OXSR1: variants seen among roughly 807,000 people sequenced by gnomAD.
OXSR1 encodes oxidative stress responsive kinase 1.
In OXSR1, 24 loss-of-function variants were observed where a neutral mutation model predicts 79.8. The observed-to-expected ratio is 0.30, with a 90% CI of 0.22 to 0.42. The LOEUF (loss-of-function observed/expected upper bound fraction) is 0.42, where lower values mean the gene tolerates loss of function less well. OXSR1 is among the 10% of genes least tolerant of loss of function. OXSR1 has a pLI of 1.00. For missense variants in OXSR1, 430 were observed against 618.4 expected (o/e 0.70, Z 3.23); for synonymous variants, 226 against 209.2 (o/e 1.08, Z -0.69).
intron 16 of OXSR1, 37 bp downstream of exon 16, chr3:38,251,508 CTCTG>C: frequency 6.6e-7 from 1 of 1,506,302 alleles, no homozygotes; most frequent in Non-Finnish European, 9.2e-7. Context: ...GCTCCTGTGT[CTCTG>C]TCTGTATACT....
At chr3:38,167,390 A>C (rs1423199739) in intron 1 of OXSR1, among the ~76,000 whole-genome samples, 1 of 152,252 alleles carries the variant, frequency 6.6e-6, no homozygotes, top group African/African-American at 2.4e-5. Flanking sequence ...GGCTCAATCC[A>C]ACGGACATGA....
At chr3:38,175,546 C>T (rs904882227) in intron 1 of OXSR1, among the ~76,000 whole-genome samples, 3 of 152,210 alleles carry the variant, frequency 2.0e-5, no homozygotes, top group African/African-American at 7.2e-5. Context: ...AGTGATCTGC[C>T]TGCCTTGGCC....
intron 1 of OXSR1, among the ~76,000 whole-genome samples, chr3:38,178,845 T>C (rs1701727190): frequency 6.6e-6 from 1 of 151,590 alleles, no homozygotes; most frequent in African/African-American, 2.4e-5. Context: ...TGAAAGGATT[T>C]TTAAATAACA....
chr3:38,187,065 C>G (rs1003322806), intron 2 of OXSR1, among the ~76,000 whole-genome samples: 1 of 152,232 alleles, frequency 6.6e-6, no homozygotes, highest in East Asian at 1.9e-4. Context: ...ACATCAGTGG[C>G]AAAGAGACTA....
At chr3:38,164,475 G>C (rs1477748240), upstream of OXSR1, among the ~76,000 whole-genome samples, 1 of 152,168 alleles carries the variant, frequency 6.6e-6, no homozygotes, top group African/African-American at 2.4e-5. Flanking sequence ...ACTGCCGTTG[G>C]ACTGAAAGGT....
In OXSR1 at chr3:38,253,359, T is replaced by C. The variant is rs1703299146; in HGVS notation, c.*468T>C. ...TCAGCTGGAGCCCAGAGAATTTAAT[T>C]TAATGTTTTTTCTTTGTACCTGATG... On this transcript the variant is annotated 3_prime_UTR_variant, in exon 18 of 18. Coordinates refer to ENST00000311806, the MANE Select transcript of OXSR1 (RefSeq NM_005109.3). 6.4e-6 allele frequency: 1 copy of C among 155,996 alleles called. No individual in the cohort carries two copies. The highest frequency in any genetic ancestry group is 2.4e-5 in the African/African-American group (1 of 41,530). The allele number at this position is 155,996 out of a possible 1,614,324, so 9.7% of individuals were successfully genotyped here.
rs35279632 is a variant in OXSR1, at chr3:38,198,789, A to G, written c.360A>G (p.Glu120=). The change falls in exon 4 of 18, where the codon GAA becomes GAG. Residue 120 remains glutamate, a synonymous_variant. Transcript: ENST00000311806. ...KGEHKSGVLD[E]STIATILREV... Reference sequence around the variant, plus strand: ...AACACAAAAGTGGAGTCCTAGATGAATCTACCATTGCTACGATACTCCGAG... The same window carrying G: ...AACACAAAAGTGGAGTCCTAGATGAGTCTACCATTGCTACGATACTCCGAG... The G allele has an allele frequency of 4.9e-3, 7,905 of 1,613,082 alleles. 34 individuals are homozygous for G. Among genetic ancestry groups the G allele is most frequent in the Middle Eastern group, 0.015 (90 of 6,056 alleles).
At chr3:38,203,022 C>T (rs1002293635) in intron 4 of OXSR1, among the ~76,000 whole-genome samples, 1 of 152,190 alleles carries the variant, frequency 6.6e-6, no homozygotes, top group Non-Finnish European at 1.5e-5. Context: ...AGGCCTAAAC[C>T]CCTCCCCGTG....
rs112035003 is a variant in OXSR1, at chr3:38,244,637, C to CTGTGTGTGTGTGTGTGTG, written c.1111-1425_1111-1408dup. 4.2e-3 allele frequency among the ~76,000 whole-genome samples: 421 copies of CTGTGTGTGTGTGTGTGTG among 99,476 alleles called. 8 individuals carry two copies. The highest frequency in any genetic ancestry group is 9.2e-3 in the African/African-American group (289 of 31,560). 65.3% of individuals were successfully genotyped at this position (99,476 alleles called of 152,430 possible). The stretch of plus-strand genomic sequence containing the variant: ...CTTTTTAAGGGTCAGTAATATTCCT[C>CTGTGTGTGTGTGTGTGTG]TGTGTGTGTGTGTGTGTGTGTGTGT... On this transcript the variant is annotated intron_variant, in intron 12 of 17. Coordinates refer to ENST00000311806, the MANE Select transcript of OXSR1 (RefSeq NM_005109.3).
intron 1 of OXSR1, among the ~76,000 whole-genome samples, chr3:38,181,760 G>A (rs951759694): frequency 6.6e-6 from 1 of 151,626 alleles, no homozygotes; most frequent in Admixed American, 6.6e-5. Context: ...GCATCAGTAC[G>A]ATCGTGTGGT....
In OXSR1 at chr3:38,241,070, C is replaced by T. The variant is rs78411831; in HGVS notation, c.1075-1673C>T. ...TTTTCAAGGTCTTAAAGTGTGCCCC[C>T]ACATATTACCTATTCACCACAAGGG... is the stretch of plus-strand genomic sequence containing the variant. On this transcript the variant is annotated intron_variant, in intron 11 of 17. Coordinates refer to ENST00000311806, the MANE Select transcript of OXSR1 (RefSeq NM_005109.3). Among the ~76,000 whole-genome samples the T allele has an allele frequency of 8.2e-3, 1,247 of 152,120 alleles. 8 individuals carry two copies. Among genetic ancestry groups the T allele is most frequent in the Non-Finnish European group, 0.013 (899 of 67,984 alleles).
chr3:38,197,669 A>T (rs1702092717), intron 3 of OXSR1, among the ~76,000 whole-genome samples: 1 of 152,124 alleles, frequency 6.6e-6, no homozygotes, highest in Admixed American at 6.6e-5. Context: ...AAGTTAGTGG[A>T]TTTTAAGTAG....
chr3:38,226,089 A>G (rs914119346), intron 8 of OXSR1, among the ~76,000 whole-genome samples: 1 of 152,102 alleles, frequency 6.6e-6, no homozygotes, highest in African/African-American at 2.4e-5. Flanking sequence ...AAAAAGCTTT[A>G]CCAAATCAGT....
intron 3 of OXSR1, among the ~76,000 whole-genome samples, chr3:38,196,450 C>T (rs985926219): frequency 3.9e-5 from 6 of 152,096 alleles, no homozygotes; most frequent in Non-Finnish European, 7.4e-5. Context: ...GTCTTAGTGA[C>T]GATTAGTGTC....
intron 1 of OXSR1, among the ~76,000 whole-genome samples, chr3:38,181,963 C>T (rs1044746638): frequency 6.6e-6 from 1 of 151,944 alleles, no homozygotes; most frequent in African/African-American, 2.4e-5. Context: ...TTAGATGATC[C>T]TCTTGCCTCA....
In OXSR1 at chr3:38,237,843, G is replaced by T. The variant is rs141955349; in HGVS notation, c.1074+882G>T. 2.0e-5 allele frequency among the ~76,000 whole-genome samples: 3 copies of T among 152,250 alleles called. No individual in the cohort carries two copies. In the East Asian group the frequency reaches 5.8e-4, roughly 29 times the overall value. On this transcript the variant is annotated intron_variant, in intron 11 of 17. Coordinates refer to ENST00000311806, the MANE Select transcript of OXSR1 (RefSeq NM_005109.3). The stretch of plus-strand genomic sequence containing the variant: ...GAGTTTAAGGTTTCTTTATAAATGT[G>T]AGACTATGGCATCCTTTCTTCCTTA...
At chr3:38,201,050 C>T (rs768402492) in intron 4 of OXSR1, among the ~76,000 whole-genome samples, 7 of 152,130 alleles carry the variant, frequency 4.6e-5, no homozygotes, top group East Asian at 3.9e-4. Flanking sequence ...CCTGTTGTGA[C>T]GCATCTGCTT....
intron 2 of OXSR1, among the ~76,000 whole-genome samples, chr3:38,188,484 A>G (rs192939069): frequency 3.9e-5 from 6 of 152,324 alleles, no homozygotes; most frequent in African/African-American, 1.4e-4. Context: ...ATCAGAACTG[A>G]TAAATTAGCT....
At chr3:38,238,204 A>G (rs1702958367) in intron 11 of OXSR1, among the ~76,000 whole-genome samples, 1 of 152,130 alleles carries the variant, frequency 6.6e-6, no homozygotes. Flanking sequence ...TTTTCATGTT[A>G]TCTTTATAGC....
Sources: gnomAD v4.1 joint callset for allele counts (sites outside exome capture counted in the v4.1 genomes callset) on GRCh38, gnomAD v4.1.1 for gene constraint, MANE v1.5 for transcripts, NCBI Gene and HGNC (gene_info 2026-07-23, HGNC 2026-07-21) for gene names.